Variants in SOX6 observed in about 807,000 individuals in gnomAD.
The protein encoded by SOX6 is transcription factor SOX-6.
In SOX6, 11 loss-of-function variants were observed where a neutral mutation model predicts 97.8. The ratio of observed to expected loss-of-function variants is 0.11; its 90% CI spans 0.07 to 0.19. SOX6 has a LOEUF of 0.19. SOX6 is among the 10% of genes least tolerant of loss of function. SOX6 has a pLI of 1.00. For synonymous variants in SOX6, 360 were observed against 371.4 expected, an observed-to-expected ratio of 0.97 and a Z score of 0.35; for missense variants, 810 against 1,039.5, an observed-to-expected ratio of 0.78 and a Z score of 3.04.
intron 10 of SOX6, among the ~76,000 whole-genome samples, chr11:16,050,778 T>C (rs1192965430): frequency 6.6e-6 from 1 of 152,120 alleles, no homozygotes; most frequent in Non-Finnish European, 1.5e-5. Context: ...TATCCTGCCA[T>C]AAAATACTTG....
intron 3 of SOX6, among the ~76,000 whole-genome samples, chr11:16,285,923 ATTG>A (rs889553838): frequency 9.9e-5 from 15 of 152,074 alleles, no homozygotes; most frequent in African/African-American, 3.6e-4. Context: ...TGTATTTTCC[ATTG>A]TTAGAATTTC....
At chr11:16,066,108 G>A (rs750910128) in intron 9 of SOX6, among the ~76,000 whole-genome samples, 1 of 152,140 alleles carries the variant, frequency 6.6e-6, no homozygotes. Context: ...TAAAATATTT[G>A]AATAGGTGTT....
At chr11:16,109,085 T>C (rs1041749576) in intron 7 of SOX6, among the ~76,000 whole-genome samples, 2 of 152,214 alleles carry the variant, frequency 1.3e-5, no homozygotes, top group African/African-American at 4.8e-5. Flanking sequence ...CACTTGTTCA[T>C]CTTGTTGTTT....
At chr11:16,025,110 C>G (rs1855177994) in intron 12 of SOX6, among the ~76,000 whole-genome samples, 1 of 152,154 alleles carries the variant, frequency 6.6e-6, no homozygotes, top group Non-Finnish European at 1.5e-5. Flanking sequence ...CTTTCTGTCT[C>G]ATTCATATGG....
At chr11:16,490,654 G>C (rs1860497496) in intron 4 of SOX6, among the ~76,000 whole-genome samples, 1 of 151,920 alleles carries the variant, frequency 6.6e-6, no homozygotes, top group African/African-American at 2.4e-5. Flanking sequence ...TCATCAATAA[G>C]ATATAACAGT....
At chr11:16,514,321 T>C (rs1419965627) in intron 4 of SOX6, among the ~76,000 whole-genome samples, 1 of 151,996 alleles carries the variant, frequency 6.6e-6, no homozygotes, top group African/African-American at 2.4e-5. Flanking sequence ...CTGTGATATC[T>C]ATGCAGTTAT....
intron 4 of SOX6, among the ~76,000 whole-genome samples, chr11:16,535,873 C>T (rs10160425): frequency 3.3e-4 from 50 of 152,324 alleles, no homozygotes; most frequent in African/African-American, 1.1e-3. Context: ...ATCAACAATT[C>T]TACCTGAAAA....
At chr11:16,363,063 G>A (rs945494760) in intron 1 of SOX6, among the ~76,000 whole-genome samples, 25 of 152,182 alleles carry the variant, frequency 1.6e-4, no homozygotes, top group Non-Finnish European at 3.4e-4. Flanking sequence ...AGCTTCTGAG[G>A]ATAAAGCAGT....
intron 1 of SOX6, among the ~76,000 whole-genome samples, chr11:16,349,416 A>C (rs1856849254): frequency 8.0e-6 from 1 of 125,108 alleles, no homozygotes; most frequent in African/African-American, 3.1e-5. Flanking sequence ...CAGGAGTTTG[A>C]GACCAGCCTG....
intron 4 of SOX6, among the ~76,000 whole-genome samples, chr11:16,527,786 CAG>C (rs1861189704): frequency 6.6e-6 from 1 of 152,046 alleles, no homozygotes; most frequent in Non-Finnish European, 1.5e-5. Context: ...GAGAAACAAA[CAG>C]AGACAAGTAG....
intron 1 of SOX6, among the ~76,000 whole-genome samples, chr11:16,403,843 T>TA (rs200253906): frequency 2.2e-4 from 33 of 147,528 alleles, no homozygotes; most frequent in African/African-American, 5.7e-4. Context: ...CTTCTTTGGT[T>TA]AAAAAAAAAA....
intron 6 of SOX6, among the ~76,000 whole-genome samples, chr11:16,124,344 T>G (rs985944625): frequency 1.3e-5 from 2 of 152,098 alleles, no homozygotes; most frequent in East Asian, 3.8e-4. Flanking sequence ...TGTATGTACA[T>G]GTGTGTATAC....
chr11:15,973,161 A>G (rs1387276784), intron 15 of SOX6, 49 bp from the exon 16 acceptor site: 3 of 1,579,324 alleles, frequency 1.9e-6, no homozygotes, highest in South Asian at 1.1e-5. Flanking sequence ...ATATCTATAT[A>G]TGTGCTATGT....
chr11:16,158,043 A>T (rs1751764498), intron 6 of SOX6, among the ~76,000 whole-genome samples: 1 of 152,052 alleles, frequency 6.6e-6, no homozygotes, highest in South Asian at 2.1e-4. Flanking sequence ...TCCAAAGATA[A>T]GTAATTTATC....
At chr11:16,109,147 A>G (rs1055019660) in intron 7 of SOX6, among the ~76,000 whole-genome samples, 2 of 152,116 alleles carry the variant, frequency 1.3e-5, no homozygotes, top group Non-Finnish European at 2.9e-5. Context: ...TCTTTCAAAA[A>G]TTTAGTCATT....
chr11:16,148,473 A>T (rs969482487), intron 6 of SOX6, among the ~76,000 whole-genome samples: 2 of 152,148 alleles, frequency 1.3e-5, no homozygotes, highest in African/African-American at 2.4e-5. Flanking sequence ...TGCACACCCA[A>T]TGACGGGCAA....
chr11:16,678,909 G>A (rs889688001), intron 3 of SOX6, among the ~76,000 whole-genome samples: 9 of 152,180 alleles, frequency 5.9e-5, no homozygotes, highest in African/African-American at 1.4e-4. Context: ...AGGGGCATCC[G>A]CCATTGCTGA....
chr11:16,634,703 T>C (rs1848758907), intron 3 of SOX6, among the ~76,000 whole-genome samples: 1 of 152,340 alleles, frequency 6.6e-6, no homozygotes, highest in South Asian at 2.1e-4. Flanking sequence ...TTTTTAGTTT[T>C]CCATTGTAAT....
intron 3 of SOX6, among the ~76,000 whole-genome samples, chr11:16,245,222 T>G (rs533620205): frequency 1.3e-5 from 2 of 151,756 alleles, no homozygotes; most frequent in Non-Finnish European, 3.0e-5. Context: ...TGTGGTTTAA[T>G]TGCCAAATAA....
Sources: gnomAD v4.1 joint callset for allele counts (sites outside exome capture counted in the v4.1 genomes callset) on GRCh38, gnomAD v4.1.1 for gene constraint, MANE v1.5 for transcripts, NCBI Gene and HGNC (gene_info 2026-07-23, HGNC 2026-07-21) for gene names.